Variants in USH2A observed in about 807,000 individuals in gnomAD.
The protein encoded by USH2A is usherin, also known as Usher syndrome 2A (autosomal recessive, mild).
In USH2A, 443 loss-of-function variants were observed where a neutral mutation model predicts 538.9. That is an observed-to-expected ratio of 0.82 (90% CI 0.76 to 0.89). USH2A has a LOEUF of 0.89. Among genes scored for constraint, USH2A ranks in the 40% least tolerant of loss-of-function variants. The probability of loss-of-function intolerance (pLI) is 0.00; values close to 1 mark genes in which losing one functional copy is unlikely to be tolerated. For missense variants in USH2A, 6,633 were observed against 6,324.8 expected (o/e 1.05, Z -1.65); for synonymous variants, 2,413 against 2,273.5 (o/e 1.06, Z -1.75).
chr1:215,623,094 AAT>A lies in USH2A; in HGVS notation c.*2685_*2686del, dbSNP rs1655849765. 1 of 152,094 alleles carries A rather than the reference AAT, an allele frequency of 6.6e-6. No individual in the cohort carries two copies. The highest frequency in any genetic ancestry group is 1.5e-5 in the Non-Finnish European group (1 of 68,002). The allele number at this position is 152,094 out of a possible 1,614,324, so 9.4% of individuals were successfully genotyped here. ...CATCAGTATATGGTACCATAACATT[AAT>A]ATTTGGGTTCCATTTAGTGGAAATT... On this transcript the variant is annotated 3_prime_UTR_variant, in exon 72 of 72. Transcript: ENST00000307340.
At chr1:216,182,058 T>A (rs1341325990) in intron 20 of USH2A, among the ~76,000 whole-genome samples, 2 of 152,098 alleles carry the variant, frequency 1.3e-5, no homozygotes, top group Non-Finnish European at 2.9e-5. Context: ...ATAGGATACT[T>A]AGGCTTTAAA....
chr1:215,671,106 C>T lies in USH2A; in HGVS notation c.13999G>A (p.Val4667Ile), dbSNP rs1657800197. Reference sequence around the variant, plus strand: ...CTTCTGTATAATTCGTAATACAAAACTTTTCCATTTGGCTGCAGCGGTCCT... The same window carrying T: ...CTTCTGTATAATTCGTAATACAAAATTTTTCCATTTGGCTGCAGCGGTCCT... The part of the protein sequence containing the change: ...WTGPLQPNGK[V>I]LYYELYRRQI... The change falls in exon 64 of 72, where the codon GTT becomes ATT. Residue 4667 changes from valine to isoleucine, a missense_variant. Coordinates refer to ENST00000307340, the MANE Select transcript of USH2A (RefSeq NM_206933.4). 6.2e-7 allele frequency: 1 copy of T among 1,614,120 alleles called. No individual in the cohort carries two copies. Among genetic ancestry groups the T allele is most frequent in the Non-Finnish European group, 8.5e-7 (1 of 1,180,000 alleles).
At chr1:215,839,559 A>G (rs1663619473) in intron 46 of USH2A, among the ~76,000 whole-genome samples, 1 of 152,184 alleles carries the variant, frequency 6.6e-6, no homozygotes, top group Non-Finnish European at 1.5e-5. Context: ...GTTTCTCCAG[A>G]AAACATTTCT....
At position 215,674,211 on chromosome 1, in the gene USH2A, A is replaced by C. The variant is rs1237653705; in HGVS notation, c.13700T>G (p.Leu4567Arg). 1.9e-6 allele frequency: 3 copies of C among 1,614,146 alleles called. No individual in the cohort carries two copies. The highest frequency in any genetic ancestry group is 2.2e-5 in the South Asian group (2 of 91,088). ...TCTTTCAAATAGTTCACGGATGAAG[A>C]GGGTATAATTGATGATATCACCATT... is the stretch of plus-strand genomic sequence containing the variant. The part of the protein sequence containing the change: ...RTNGDIINYT[L>R]FIRELFERET... The change falls in exon 63 of 72, where the codon CTC becomes CGC. Residue 4567 changes from leucine (L) to arginine (R), a missense_variant. Physicochemically the swap from Leu to Arg is moderately radical, Grantham distance 102. Transcript: ENST00000307340.
rs868152500 is a variant in USH2A, at chr1:215,743,386, A to G, written c.11390-51T>C. On this transcript the variant is annotated intron_variant, in intron 58 of 71. Transcript: ENST00000307340. The stretch of plus-strand genomic sequence containing the variant: ...ACATTAAAAACATATATATATATAT[A>G]TGTGTGTGTGTGTGTGTGTGTGTGT... 117 of 328,438 alleles carry G rather than the reference A, an allele frequency of 3.6e-4. 4 individuals are homozygous for G. Among genetic ancestry groups the G allele is most frequent in the African/African-American group, 1.8e-3 (54 of 30,746 alleles). 20.3% of individuals were successfully genotyped at this position (328,438 alleles called of 1,614,324 possible).
chr1:215,944,144 A>C (rs1237590531), intron 37 of USH2A, among the ~76,000 whole-genome samples: 1 of 152,212 alleles, frequency 6.6e-6, no homozygotes. Flanking sequence ...CACAAACTAC[A>C]ATCTACAAGC....
At chr1:215,847,522 G>C (rs147919438) in intron 44 of USH2A, among the ~76,000 whole-genome samples, 2 of 151,916 alleles carry the variant, frequency 1.3e-5, no homozygotes, top group Non-Finnish European at 2.9e-5. Flanking sequence ...GCACACACCT[G>C]TAGTCCCAGC....
intron 14 of USH2A, among the ~76,000 whole-genome samples, chr1:216,218,250 G>A (rs1052095443): frequency 1.3e-5 from 2 of 152,022 alleles, no homozygotes; most frequent in Non-Finnish European, 2.9e-5. Flanking sequence ...TAAATTTCTT[G>A]GACCCAAAGT....
chr1:216,114,102 C>T (rs1571972173), intron 21 of USH2A, among the ~76,000 whole-genome samples: 3 of 151,638 alleles, frequency 2.0e-5, no homozygotes, highest in African/African-American at 7.2e-5. Flanking sequence ...TAAATAGATC[C>T]TGCACATTTC....
chr1:215,811,153 C>A (rs1030414028), intron 49 of USH2A, among the ~76,000 whole-genome samples: 3 of 152,192 alleles, frequency 2.0e-5, no homozygotes, highest in Non-Finnish European at 4.4e-5. Flanking sequence ...TGGGCATAGG[C>A]CAAGATAACT....
intron 62 of USH2A, among the ~76,000 whole-genome samples, chr1:215,678,043 A>T (rs1489778613): frequency 6.6e-6 from 1 of 152,080 alleles, no homozygotes; most frequent in Non-Finnish European, 1.5e-5. Context: ...ACATTTTGTC[A>T]TCTCTATCTT....
chr1:216,017,978 TC>T (rs1668757239), intron 32 of USH2A, among the ~76,000 whole-genome samples: 1 of 152,142 alleles, frequency 6.6e-6, no homozygotes, highest in Non-Finnish European at 1.5e-5. Context: ...TTTGGCATAG[TC>T]TCATGCTACC....
chr1:215,670,921 C>A, intron 64 of USH2A, 51 bp downstream of exon 64: 1 of 1,582,544 alleles, frequency 6.3e-7, no homozygotes, highest in Non-Finnish European at 8.7e-7. Flanking sequence ...CAGGCAGGTG[C>A]TGACGGGTGC....
intron 51 of USH2A, among the ~76,000 whole-genome samples, chr1:215,789,422 T>C (rs1661910455): frequency 6.6e-6 from 1 of 152,178 alleles, no homozygotes; most frequent in African/African-American, 2.4e-5. Flanking sequence ...GCATGTTTAT[T>C]TTTAAAGTGT....
intron 29 of USH2A, among the ~76,000 whole-genome samples, chr1:216,072,308 G>A (rs2031582702): frequency 6.6e-6 from 1 of 152,172 alleles, no homozygotes; most frequent in Admixed American, 6.5e-5. Context: ...CTGAGATTAG[G>A]TCTAATGTAT....
chr1:216,408,802 C>G (rs2039435935), intron 3 of USH2A, among the ~76,000 whole-genome samples: 1 of 152,100 alleles, frequency 6.6e-6, no homozygotes, highest in Admixed American at 6.6e-5. Context: ...GATCTGATTA[C>G]TAAGAGAGCT....
chr1:216,150,851 C>G (rs536748077), intron 21 of USH2A, among the ~76,000 whole-genome samples: 1 of 152,180 alleles, frequency 6.6e-6, no homozygotes, highest in African/African-American at 2.4e-5. Flanking sequence ...TCTCGATGTT[C>G]CTTTACTCTT....
chr1:216,416,689 C>T (rs892304957), intron 3 of USH2A, among the ~76,000 whole-genome samples: 1 of 152,048 alleles, frequency 6.6e-6, no homozygotes, highest in Non-Finnish European at 1.5e-5. Flanking sequence ...ATTTTATCCC[C>T]AAGGGAGTAA....
chr1:216,319,774 T>C lies in USH2A; in HGVS notation c.1644+2109A>G, dbSNP rs142072011. On this transcript the variant is annotated intron_variant, in intron 9 of 71. Transcript: ENST00000307340. ...CTTACCATTGAACTATTCTCACTAA[T>C]GTTACAGTCAAAAGCAAATTAGATC... 7.9e-3 allele frequency among the ~76,000 whole-genome samples: 1,200 copies of C among 152,308 alleles called. 7 individuals carry two copies. The highest frequency in any genetic ancestry group is 0.014 in the Middle Eastern group (4 of 294).
Sources: gnomAD v4.1 joint callset for allele counts (sites outside exome capture counted in the v4.1 genomes callset) on GRCh38, gnomAD v4.1.1 for gene constraint, MANE v1.5 for transcripts, NCBI Gene and HGNC (gene_info 2026-07-23, HGNC 2026-07-21) for gene names.